LAMB1: variants seen among roughly 807,000 people sequenced by gnomAD.
LAMB1 encodes the protein laminin subunit beta 1.
Under a neutral mutation model 222.3 loss-of-function variants are expected in LAMB1, and 121 were observed. The observed-to-expected ratio is 0.54, with a 90% CI of 0.47 to 0.63. The LOEUF (loss-of-function observed/expected upper bound fraction) is 0.63. LAMB1 is among the 30% of genes least tolerant of loss of function. The probability of loss-of-function intolerance (pLI) is 0.00; values close to 1 mark genes in which losing one functional copy is unlikely to be tolerated. For missense variants in LAMB1, 2,172 were observed against 2,240.8 expected (o/e 0.97, Z 0.62); for synonymous variants, 794 against 807.2 (o/e 0.98, Z 0.28).
rs76389339 is a variant in LAMB1, at chr7:107,980,860, G to GT, written c.677-50dup. 103,555 of 819,434 alleles carry GT rather than the reference G, an allele frequency of 0.13. 4 individuals are homozygous for GT. Among genetic ancestry groups the GT allele is most frequent in the East Asian group, 0.19 (5,343 of 27,892 alleles). 50.8% of individuals were successfully genotyped at this position (819,434 alleles called of 1,614,324 possible). On this transcript the variant is annotated intron_variant, in intron 7 of 33. Coordinates refer to ENST00000222399, the MANE Select transcript of LAMB1 (RefSeq NM_002291.3). ...AAAAGTCTGATCAGACAAGCAAGAA[G>GT]TTTTTTTTTTTTTCCTTGCATCATT... is the stretch of plus-strand genomic sequence containing the variant.
rs2033711791 is a variant in LAMB1, at chr7:107,969,840, T to TAA, written c.1562+3151_1562+3152insTT. ...TAGAAAAGCTACAGTAAAAATACAG[T>TAA]ATCTTATGGGACCACCGTTGTATGT... On this transcript the variant is annotated intron_variant, in intron 13 of 33. Coordinates refer to ENST00000222399, the MANE Select transcript of LAMB1 (RefSeq NM_002291.3). 3.3e-5 allele frequency among the ~76,000 whole-genome samples: 5 copies of TAA among 152,278 alleles called. No individual in the cohort carries two copies. In the South Asian group the frequency reaches 1.0e-3, roughly 32 times the overall value.
At chr7:107,941,390 G>A (rs908085106) in intron 24 of LAMB1, among the ~76,000 whole-genome samples, 1 of 152,162 alleles carries the variant, frequency 6.6e-6, no homozygotes, top group Non-Finnish European at 1.5e-5. Context: ...GGAAAGACAG[G>A]AATAAATAAA....
chr7:107,959,844 A>G lies in LAMB1; in HGVS notation c.2315-10T>C, dbSNP rs539904125. On this transcript the variant is annotated splice_polypyrimidine_tract_variant and intron_variant, in intron 18 of 33. Coordinates refer to ENST00000222399, the MANE Select transcript of LAMB1 (RefSeq NM_002291.3). ...GGGTCGCATTCACAAGCTGTGGGTA[A>G]AGAGAGGCCAGAACCCATGACACGG... is the stretch of plus-strand genomic sequence containing the variant. 6 of 1,610,988 alleles carry G rather than the reference A, an allele frequency of 3.7e-6. No individual in the cohort carries two copies. Among genetic ancestry groups the G allele is most frequent in the East Asian group, 4.5e-5 (2 of 44,836 alleles).
In LAMB1 at chr7:107,959,315, T is replaced by A. The variant is rs771730530; in HGVS notation, c.2624A>T (p.Asp875Val). Residue 875 changes from aspartate to valine, a missense_variant, in exon 20 of 34, where the codon GAC (aspartate) becomes GTC (valine). By Grantham distance (152) the Asp-to-Val change is radical. Coordinates refer to ENST00000222399, the MANE Select transcript of LAMB1 (RefSeq NM_002291.3). ...GCACTCCCCAGTCACTGGGTCGCAG[T>A]CATCGGCGTGGCCATTGCACTGGCA... Reference protein sequence around the residue: ...QPCQCNGHADDCDPVTGECLN... With the variant: ...QPCQCNGHADVCDPVTGECLN... The A allele has an allele frequency of 6.2e-7, 1 of 1,614,256 alleles. No homozygotes were observed. The highest frequency in any genetic ancestry group is 1.3e-5 in the African/African-American group (1 of 75,066).
intron 13 of LAMB1, among the ~76,000 whole-genome samples, chr7:107,966,152 A>C (rs1486560032): frequency 2.0e-5 from 3 of 152,118 alleles, no homozygotes; most frequent in African/African-American, 7.2e-5. Flanking sequence ...AGCATAGCTG[A>C]AGTCCTCTTT....
In LAMB1 at chr7:107,959,724, C is replaced by T; in HGVS notation, c.2425G>A (p.Gly809Arg). 1.2e-6 allele frequency: 2 copies of T among 1,614,210 alleles called. No individual in the cohort carries two copies. The highest frequency in any genetic ancestry group is 1.7e-6 in the Non-Finnish European group (2 of 1,180,042). Residue 809 changes from glycine (G) to arginine (R), a missense_variant, in exon 19 of 34, where the codon GGA becomes AGA. By Grantham distance (125) the Gly-to-Arg change is moderately radical. Coordinates refer to ENST00000222399, the MANE Select transcript of LAMB1 (RefSeq NM_002291.3). Reference protein sequence around the residue: ...VGRTCNRCAPGTFGFGPSGCK... With the variant: ...VGRTCNRCAPRTFGFGPSGCK... ...CCACTGGGGCCAAAGCCAAAAGTTC[C>T]AGGTGCACATCTGTTGCAGGTTCTT...
intron 12 of LAMB1, among the ~76,000 whole-genome samples, chr7:107,974,225 A>T (rs1484376596): frequency 6.6e-6 from 1 of 152,168 alleles, no homozygotes; most frequent in Non-Finnish European, 1.5e-5. Flanking sequence ...ACAGATTTTT[A>T]AAAACTTATC....
At chr7:107,948,119 T>G (rs1269276541) in intron 24 of LAMB1, among the ~76,000 whole-genome samples, 1 of 151,566 alleles carries the variant, frequency 6.6e-6, no homozygotes, top group African/African-American at 2.4e-5. Context: ...CCCAAGTAGC[T>G]GGGATTATAG....
chr7:108,003,011 A>G, intron 1 of LAMB1, 40 bp from the exon 2 acceptor site: 2 of 1,524,872 alleles, frequency 1.3e-6, no homozygotes, highest in Non-Finnish European at 8.7e-7. Context: ...GCAAATGTTC[A>G]AAGAGAGAAG....
chr7:107,980,604 C>T lies in LAMB1; in HGVS notation c.879+5G>A, dbSNP rs1287443077. ...AGGAGAAAGGTGCACAGAGGGCTTA[C>T]TTACCATTCCTTCCACTTCTTCATT... On this transcript the variant is annotated splice_donor_5th_base_variant and intron_variant, in intron 8 of 33. Coordinates refer to ENST00000222399, the MANE Select transcript of LAMB1 (RefSeq NM_002291.3). The T allele has an allele frequency of 6.2e-7, 1 of 1,611,438 alleles. No individual in the cohort carries two copies. Among genetic ancestry groups the T allele is most frequent in the Non-Finnish European group, 8.5e-7 (1 of 1,177,834 alleles).
chr7:107,952,110 A>C lies in LAMB1; in HGVS notation c.3193T>G (p.Cys1065Gly), dbSNP rs774755989. The C allele has an allele frequency of 6.2e-7, 1 of 1,614,106 alleles. No homozygotes were observed. The highest frequency in any genetic ancestry group is 1.6e-4 in the Middle Eastern group (1 of 6,062). ...LCLPNVIGQN[C>G]DRCAPNTWQL... ...CAGGTATTGGGCGCACAGCGGTCAC[A>C]GTTCTGCCCGATCACATTAGGAAGA... Residue 1065 changes from cysteine to glycine, a missense_variant, in exon 23 of 34, where the codon TGT (cysteine) becomes GGT (glycine). Coordinates refer to ENST00000222399, the MANE Select transcript of LAMB1 (RefSeq NM_002291.3).
At chr7:107,987,403 T>A (rs2299431) in intron 5 of LAMB1, among the ~76,000 whole-genome samples, 95,836 of 152,010 alleles carry the variant, frequency 0.63, 30,873 homozygotes, top group African/African-American at 0.74. Context: ...ACACCATTGA[T>A]TTATACACTT....
intron 5 of LAMB1, among the ~76,000 whole-genome samples, chr7:107,990,849 A>T (rs1049021335): frequency 2.6e-5 from 4 of 152,242 alleles, no homozygotes; most frequent in Non-Finnish European, 4.4e-5. Context: ...ATATTCTTAC[A>T]GGACTCCTGG....
At position 107,924,007 on chromosome 7, in the gene LAMB1, G is replaced by C; in HGVS notation, c.5305C>G (p.Arg1769Gly). 1.2e-6 allele frequency: 2 copies of C among 1,602,160 alleles called. No homozygotes were observed. The highest frequency in any genetic ancestry group is 1.7e-6 in the Non-Finnish European group (2 of 1,177,034). ...QELARLEGEV[R>G]SLLKDISQKV... is the part of the protein sequence containing the mutation. The stretch of plus-strand genomic sequence containing the variant: ...TGGCTTATATCCTTTAGGAGTGAAC[G>C]GACTTCTCCTTCCAGTCTTGCTAAT... The change falls in exon 34 of 34, where the codon CGT becomes GGT. Residue 1769 changes from arginine to glycine, a missense_variant. Arg to Gly is a moderately radical substitution (Grantham distance 125, BLOSUM62 -2). Coordinates refer to ENST00000222399, the MANE Select transcript of LAMB1 (RefSeq NM_002291.3).
chr7:107,998,423 G>C lies in LAMB1; in HGVS notation c.283C>G (p.Leu95Val). ...YHETLNPDSH[L>V]IENVVTTFAP... ...AATGTAGTGACCACATTTTCAATGAGATGGCTGTCAGGATTCAGGGTCTCA... is the reference window on the plus strand; with the variant it reads ...AATGTAGTGACCACATTTTCAATGACATGGCTGTCAGGATTCAGGGTCTCA... The change falls in exon 4 of 34, where the codon CTC (leucine) becomes GTC (valine). Residue 95 changes from leucine to valine, a missense_variant. Transcript: ENST00000222399. 3 of 1,613,944 alleles carry C rather than the reference G, an allele frequency of 1.9e-6. No individual in the cohort carries two copies. The highest frequency in any genetic ancestry group is 1.7e-6 in the Non-Finnish European group (2 of 1,179,838).
rs760673566 is a variant in LAMB1, at chr7:107,959,433, C to T, written c.2506G>A (p.Val836Ile). 1.6e-5 allele frequency: 26 copies of T among 1,614,038 alleles called. No homozygotes were observed. The highest frequency in any genetic ancestry group is 1.1e-4 in the African/African-American group (8 of 74,902). ...QGSVNAFCNP[V>I]TGQCHCFQGV... ...TGGAAACAGTGGCACTGGCCAGTGA[C>T]GGGATTGCAGAAGGCATTGACAGAT... Residue 836 changes from valine to isoleucine, a missense_variant, in exon 20 of 34, where the codon GTC becomes ATC. Transcript: ENST00000222399.
In LAMB1 at chr7:107,959,354, G is replaced by A. The variant is rs2033444354; in HGVS notation, c.2585C>T (p.Pro862Leu). 6.2e-7 allele frequency: 1 copy of A among 1,614,230 alleles called. No homozygotes were observed. Among genetic ancestry groups the A allele is most frequent in the Non-Finnish European group, 8.5e-7 (1 of 1,180,036 alleles). Reference protein sequence around the residue: ...DRCLPGHWGFPSCQPCQCNGH... With the variant: ...DRCLPGHWGFLSCQPCQCNGH... ...ATTGCACTGGCAGGGCTGGCAACTTGGAAAGCCCCAGTGCCCAGGTAAGCA... is the reference window on the plus strand; with the variant it reads ...ATTGCACTGGCAGGGCTGGCAACTTAGAAAGCCCCAGTGCCCAGGTAAGCA... Residue 862 changes from proline (P) to leucine (L), a missense_variant, in exon 20 of 34, where the codon CCA becomes CTA. Pro to Leu is a moderately conservative substitution (Grantham distance 98). Coordinates refer to ENST00000222399, the MANE Select transcript of LAMB1 (RefSeq NM_002291.3).
rs1584533324 is a variant in LAMB1 at position 107,985,915 on chromosome 7, C to T, written c.676+107G>A. On this transcript the variant is annotated intron_variant, in intron 7 of 33. Coordinates refer to ENST00000222399, the MANE Select transcript of LAMB1 (RefSeq NM_002291.3). Reference sequence around the variant, plus strand: ...GAGGTTGCAATGAGCAGAGATCGCACCATTGCACTCCAGCCTGGGCAACAA... The same window carrying T: ...GAGGTTGCAATGAGCAGAGATCGCATCATTGCACTCCAGCCTGGGCAACAA... 1.2e-4 allele frequency: 100 copies of T among 820,116 alleles called. 1 individual carries two copies. The South Asian group carries it at 1.4e-3, about 12-fold the overall frequency. 50.8% of individuals were successfully genotyped at this position (820,116 alleles called of 1,614,324 possible).
rs755484957 is a variant in LAMB1, at chr7:107,953,703, A to G, written c.2906T>C (p.Val969Ala). ...CTGGCAAGGCTGACACGACCCCCCAACTTCTGATGGATTGCCAAAGTATCC... is the reference window on the plus strand; with the variant it reads ...CTGGCAAGGCTGACACGACCCCCCAGCTTCTGATGGATTGCCAAAGTATCC... The part of the protein sequence containing the change: ...ASGYFGNPSE[V>A]GGSCQPCQCH... Residue 969 changes from valine to alanine, a missense_variant, in exon 22 of 34, where the codon GTT (valine) becomes GCT (alanine). Coordinates refer to ENST00000222399, the MANE Select transcript of LAMB1 (RefSeq NM_002291.3). The G allele has an allele frequency of 1.1e-5, 17 of 1,614,022 alleles. 1 individual carries two copies. The Middle Eastern group carries it at 6.6e-4, about 62-fold the overall frequency.
Sources: gnomAD v4.1 joint callset for allele counts (sites outside exome capture counted in the v4.1 genomes callset) on GRCh38, gnomAD v4.1.1 for gene constraint, MANE v1.5 for transcripts, NCBI Gene and HGNC (gene_info 2026-07-23, HGNC 2026-07-21) for gene names.